CAMTA1: variants seen among roughly 807,000 people sequenced by gnomAD.
CAMTA1 encodes calmodulin-binding transcription activator 1.
A neutral mutation model predicts 170.9 loss-of-function variants in CAMTA1; 27 were observed. The observed-to-expected ratio is 0.16, with a 90% CI of 0.12 to 0.22. The LOEUF is 0.22. CAMTA1 is among the 10% of genes least tolerant of loss of function. The pLI is 1.00. For missense variants in CAMTA1, 1,619 were observed against 2,217.2 expected (o/e 0.73, Z 5.42); for synonymous variants, 833 against 891.5 (o/e 0.93, Z 1.17).
chr1:7,749,985 A>G (rs1457871057), intron 19 of CAMTA1, among the ~76,000 whole-genome samples: 1 of 152,184 alleles, frequency 6.6e-6, no homozygotes, highest in Non-Finnish European at 1.5e-5. Context: ...GGGTTTCGAC[A>G]TTAATAACTG....
At chr1:7,151,739 C>T (rs1316209149) in intron 4 of CAMTA1, among the ~76,000 whole-genome samples, 1 of 152,192 alleles carries the variant, frequency 6.6e-6, no homozygotes, top group Non-Finnish European at 1.5e-5. Flanking sequence ...GCTGGTGCTC[C>T]TGGTGACCAT....
intron 4 of CAMTA1, among the ~76,000 whole-genome samples, chr1:7,157,444 G>A (rs1261122475): frequency 1.3e-5 from 2 of 151,826 alleles, no homozygotes; most frequent in Admixed American, 1.3e-4. Flanking sequence ...CTGATAAAAG[G>A]TAGCTATCAA....
intron 10 of CAMTA1, among the ~76,000 whole-genome samples, chr1:7,675,827 G>A (rs2096113747): frequency 6.6e-6 from 1 of 152,120 alleles, no homozygotes; most frequent in South Asian, 2.1e-4. Context: ...CCTGGGTGAT[G>A]GAACTGCAGG....
In CAMTA1 at chr1:7,641,384, C is replaced by G. The variant is rs2095759533; in HGVS notation, c.664+831C>G. Among the ~76,000 whole-genome samples the G allele has an allele frequency of 6.6e-6, 1 of 152,172 alleles. No homozygotes were observed. Among genetic ancestry groups the G allele is most frequent in the Non-Finnish European group, 1.5e-5 (1 of 68,024 alleles). On this transcript the variant is annotated intron_variant, in intron 7 of 22. Coordinates refer to ENST00000303635, the MANE Select transcript of CAMTA1 (RefSeq NM_015215.4). The surrounding 1 kb of genome is among the most constrained non-coding windows in gnomAD (Gnocchi z 4.5). ...AGGGCCTGAGGGGGTGGGTCAGTGG[C>G]TCACTCAGAAGCAGAACTGTCCCTG...
chr1:7,306,579 T>A (rs1269904580), intron 5 of CAMTA1, among the ~76,000 whole-genome samples: 2 of 152,042 alleles, frequency 1.3e-5, no homozygotes, highest in East Asian at 3.8e-4. Context: ...TTCCCAAAAT[T>A]TAGTTTTCTT....
chr1:7,625,325 C>G (rs1428706212), intron 6 of CAMTA1, among the ~76,000 whole-genome samples: 1 of 152,264 alleles, frequency 6.6e-6, no homozygotes, highest in African/African-American at 2.4e-5. Flanking sequence ...CGTCTCTCCC[C>G]TCCTTCAGCT....
intron 3 of CAMTA1, among the ~76,000 whole-genome samples, chr1:6,884,291 G>GAGACACACAC (rs1448763424): frequency 2.2e-5 from 3 of 136,550 alleles, no homozygotes; most frequent in Admixed American, 1.5e-4. Flanking sequence ...ATTCTCTAGA[G>GAGACACACAC]ACACACACAC....
chr1:7,493,374 CACACACAA>C lies in CAMTA1; in HGVS notation c.510+25477_510+25484del, dbSNP rs1430694789. The stretch of plus-strand genomic sequence containing the variant: ...ACACAAACATACAAACACACGTGCG[CACACACAA>C]ACAAACACGTGCACACACACAAAAA... On this transcript the variant is annotated intron_variant, in intron 6 of 22. Coordinates refer to ENST00000303635, the MANE Select transcript of CAMTA1 (RefSeq NM_015215.4). 1.1e-4 allele frequency among the ~76,000 whole-genome samples: 8 copies of C among 73,064 alleles called. 3 individuals carry two copies. The African/African-American group carries it at 1.3e-3, about 11-fold the overall frequency. The allele number at this position is 73,064 out of a possible 152,430, so 47.9% of individuals were successfully genotyped here. A position where few individuals can be genotyped will look rare whatever the true frequency, so the allele number is the denominator to read the frequency against.
intron 5 of CAMTA1, among the ~76,000 whole-genome samples, chr1:7,452,291 TC>T (rs1327030872): frequency 6.6e-6 from 1 of 152,168 alleles, no homozygotes; most frequent in Non-Finnish European, 1.5e-5. Flanking sequence ...TGAGGCAGCT[TC>T]CCCAGGGACT....
chr1:7,299,742 A>G lies in CAMTA1; in HGVS notation c.438+50116A>G, dbSNP rs55927785. ...TGAGAGGGTACAAGGAGGTGTTCCAACCCCTCACTGAGACAGGATTTCTAG... is the reference window on the plus strand; with the variant it reads ...TGAGAGGGTACAAGGAGGTGTTCCAGCCCCTCACTGAGACAGGATTTCTAG... On this transcript the variant is annotated intron_variant, in intron 5 of 22. Coordinates refer to ENST00000303635, the MANE Select transcript of CAMTA1 (RefSeq NM_015215.4). This position sits in a 1 kb window ranked among gnomAD's most constrained non-coding sequence, Gnocchi z 4.7. 0.012 allele frequency among the ~76,000 whole-genome samples: 1,794 copies of G among 152,168 alleles called. 47 individuals are homozygous for G. The highest frequency in any genetic ancestry group is 0.041 in the African/African-American group (1,710 of 41,512).
chr1:7,436,349 G>A (rs2092346915), intron 5 of CAMTA1, among the ~76,000 whole-genome samples: 1 of 152,220 alleles, frequency 6.6e-6, no homozygotes, highest in South Asian at 2.1e-4. Flanking sequence ...TCAGGGAGGG[G>A]GCCTGGGAGG....
chr1:6,880,382 T>C (rs1364549453), intron 3 of CAMTA1, among the ~76,000 whole-genome samples: 8 of 115,562 alleles, frequency 6.9e-5, no homozygotes, highest in African/African-American at 2.3e-4. Flanking sequence ...CCTCTAAAAG[T>C]GTTTTTTTTT....
rs1262476307 is a variant in CAMTA1 at position 7,102,063 on chromosome 1, CACACACAG to C, written c.302+10693_302+10700del. On this transcript the variant is annotated intron_variant, in intron 4 of 22. Transcript: ENST00000303635. ...ACACACACACACACACACACACACA[CACACACAG>C]CTTCCTGTATTGGTCACTGTTCTCT... Among the ~76,000 whole-genome samples, 890 of 114,512 alleles carry C rather than the reference CACACACAG, an allele frequency of 7.8e-3. 1 individual carries two copies. The highest frequency in any genetic ancestry group is 0.015 in the Middle Eastern group (3 of 194). The allele number at this position is 114,512 out of a possible 152,430, so 75.1% of individuals were successfully genotyped here.
chr1:7,316,394 A>T (rs906219528), intron 5 of CAMTA1, among the ~76,000 whole-genome samples: 30 of 152,320 alleles, frequency 2.0e-4, no homozygotes, highest in African/African-American at 7.2e-4. Context: ...TTCTGGGTGA[A>T]CATAGATTTT....
intron 3 of CAMTA1, chr1:6,871,905 A>C (rs964731435): frequency 1.5e-6 from 2 of 1,375,060 alleles, no homozygotes; most frequent in African/African-American, 3.0e-5. Context: ...GTAACATTTC[A>C]TCTTTCAAAG....
intron 6 of CAMTA1, among the ~76,000 whole-genome samples, chr1:7,620,705 G>T (rs1329203555): frequency 6.6e-6 from 1 of 152,196 alleles, no homozygotes; most frequent in Non-Finnish European, 1.5e-5. Context: ...AAGGAGGGAG[G>T]AGAGATGGAG....
chr1:6,866,808 G>A (rs921777283), intron 3 of CAMTA1, among the ~76,000 whole-genome samples: 4 of 152,174 alleles, frequency 2.6e-5, no homozygotes, highest in South Asian at 4.1e-4. Flanking sequence ...TTGAAAATTA[G>A]TAATCAATAC....
At chr1:7,199,338 A>G (rs1326457122) in intron 4 of CAMTA1, among the ~76,000 whole-genome samples, 1 of 152,220 alleles carries the variant, frequency 6.6e-6, no homozygotes, top group Non-Finnish European at 1.5e-5. Context: ...CCAGGCAGAG[A>G]CCACTTCTTT....
In CAMTA1 at chr1:7,136,526, G is replaced by GA. The variant is rs150842399; in HGVS notation, c.302+45165dup. Among the ~76,000 whole-genome samples, 459 of 145,592 alleles carry GA rather than the reference G, an allele frequency of 3.2e-3. 3 individuals carry two copies. Among genetic ancestry groups the GA allele is most frequent in the East Asian group, 0.025 (125 of 5,016 alleles). On this transcript the variant is annotated intron_variant, in intron 4 of 22. Transcript: ENST00000303635. ...ATCTATCTGTAGTATTCCCTATCTT[G>GA]AAAAAAAAAAGCCTTTCTTATTGCT...
Sources: gnomAD v4.1 joint callset for allele counts (sites outside exome capture counted in the v4.1 genomes callset) on GRCh38, gnomAD v4.1.1 for gene constraint, Gnocchi (gnomAD v3.1) non-coding constraint, MANE v1.5 for transcripts, NCBI Gene and HGNC (gene_info 2026-07-23, HGNC 2026-07-21) for gene names.